Variants in OGA observed in about 807,000 individuals in gnomAD.
OGA encodes O-GlcNAcase.
A neutral mutation model predicts 102.0 loss-of-function variants in OGA; 21 were observed. That is an observed-to-expected ratio of 0.21 (90% CI 0.15 to 0.30). OGA has a LOEUF of 0.30. OGA is among the 10% of genes least tolerant of loss of function. The pLI is 1.00. For synonymous variants in OGA, 408 were observed against 378.2 expected, an observed-to-expected ratio of 1.08 and a Z score of -0.91; for missense variants, 765 against 1,107.8, an observed-to-expected ratio of 0.69 and a Z score of 4.39.
chr10:101,799,549 A>G (rs2065362359), intron 8 of OGA, 94 bp from the exon 9 acceptor site: 8 of 1,324,332 alleles, frequency 6.0e-6, no homozygotes, highest in Middle Eastern at 4.1e-4. Context: ...GCTTTATCAT[A>G]TTTGTTAAGT....
At chr10:101,792,437 G>A (rs570356547) in intron 12 of OGA, among the ~76,000 whole-genome samples, 78 of 152,316 alleles carry the variant, frequency 5.1e-4, no homozygotes, top group African/African-American at 1.8e-3. Context: ...CACCGCGCCT[G>A]GCCCTGTTAC....
chr10:101,810,391 G>C, intron 3 of OGA, 77 bp from the exon 4 acceptor site: 1 of 1,305,134 alleles, frequency 7.7e-7, no homozygotes, highest in East Asian at 2.4e-5. Flanking sequence ...TAACTGAAGA[G>C]GTTATTTCTT....
intron 4 of OGA, 53 bp downstream of exon 4, chr10:101,810,131 C>A: frequency 2.7e-6 from 4 of 1,483,214 alleles, no homozygotes; most frequent in Non-Finnish European, 2.8e-6. Flanking sequence ...ACTGAGTAAA[C>A]TTCTAGTTTC....
chr10:101,791,135 T>C (rs776206078), intron 13 of OGA, 47 bp from the exon 14 acceptor site: 5 of 1,546,876 alleles, frequency 3.2e-6, no homozygotes, highest in South Asian at 1.2e-5. Context: ...GTTGCTAATA[T>C]AAAATTCAGA....
At chr10:101,795,445 A>G (rs1314756801) in intron 10 of OGA, among the ~76,000 whole-genome samples, 2 of 152,234 alleles carry the variant, frequency 1.3e-5, no homozygotes, top group Admixed American at 1.3e-4. Context: ...CTGTCCATCC[A>G]ATAGTAGTAG....
chr10:101,806,005 C>T (rs1338360047), intron 6 of OGA, 40 bp downstream of exon 6: 1 of 1,359,786 alleles, frequency 7.4e-7, no homozygotes, highest in African/African-American at 1.4e-5. Flanking sequence ...GCAAGTCCTA[C>T]TTAATTCAAC....
intron 15 of OGA, among the ~76,000 whole-genome samples, chr10:101,787,104 A>T (rs2065200052): frequency 6.7e-6 from 1 of 149,248 alleles, no homozygotes; most frequent in African/African-American, 2.5e-5. Context: ...CTGGTCTCAA[A>T]CTCCTGGACT....
At chr10:101,787,036 CTT>C (rs77806430) in intron 15 of OGA, among the ~76,000 whole-genome samples, 62 of 139,956 alleles carry the variant, frequency 4.4e-4, no homozygotes, top group Admixed American at 7.2e-4. Flanking sequence ...CGTGCCCGGC[CTT>C]TTTTTTTTTT....
rs777715133 is a variant in OGA at position 101,817,925 on chromosome 10, G to A, written c.98C>T (p.Ala33Val). The change falls in exon 1 of 16, where the codon GCA becomes GTA. Residue 33 changes from alanine (A) to valine (V), a missense_variant. Transcript: ENST00000361464. ...ASAGASLEPP[A>V]APAPGEDNPA... ...GTTGTCTTCTCCGGGTGCCGGAGCT[G>A]CCGGCGGCTCCAGCGATGCCCCCGC... 5.1e-6 allele frequency: 8 copies of A among 1,583,478 alleles called. No individual in the cohort carries two copies. The highest frequency in any genetic ancestry group is 1.7e-5 in the Admixed American group (1 of 57,178).
chr10:101,786,762 C>T (rs1258864179), intron 15 of OGA, among the ~76,000 whole-genome samples, 175 bp from the exon 16 acceptor site: 2 of 152,224 alleles, frequency 1.3e-5, no homozygotes, highest in East Asian at 1.9e-4. Context: ...TAATGAGTGG[C>T]GTGAGCCACT....
At chr10:101,792,631 A>G in intron 12 of OGA, 2 of 474,230 alleles carry the variant, frequency 4.2e-6, no homozygotes, top group Non-Finnish European at 7.5e-6. Context: ...TGACTTTCTC[A>G]AGGGAGAAAT....
At chr10:101,816,487 G>C (rs866255274) in intron 1 of OGA, among the ~76,000 whole-genome samples, 9 of 152,152 alleles carry the variant, frequency 5.9e-5, no homozygotes, top group Admixed American at 2.6e-4. Context: ...GGACTGGCAA[G>C]TTTCCTTAGA....
chr10:101,793,733 CT>C, intron 11 of OGA, 179 bp downstream of exon 11: 1 of 532,744 alleles, frequency 1.9e-6, no homozygotes, highest in Non-Finnish European at 3.4e-6. Context: ...GCAGCATCTC[CT>C]TCAGAAATTA....
intron 7 of OGA, among the ~76,000 whole-genome samples, chr10:101,803,098 G>T (rs1400817836): frequency 1.4e-5 from 2 of 147,438 alleles, no homozygotes; most frequent in East Asian, 4.0e-4. Context: ...CTGAGATTGC[G>T]CCACTGCACT....
chr10:101,813,390 A>T (rs1247309418), intron 2 of OGA, among the ~76,000 whole-genome samples, 165 bp downstream of exon 2: 1 of 152,224 alleles, frequency 6.6e-6, no homozygotes, highest in Non-Finnish European at 1.5e-5. Context: ...AAAGTTTGAA[A>T]ATCAAAGGCC....
At chr10:101,796,018 T>A (rs2065311489) in intron 10 of OGA, 1 of 461,694 alleles carries the variant, frequency 2.2e-6, no homozygotes, top group African/African-American at 2.1e-5. Flanking sequence ...GAATTTAACT[T>A]TTAATAATTC....
chr10:101,794,152 A>T lies in OGA; in HGVS notation c.1985-154T>A, dbSNP rs1045310654. The T allele has an allele frequency of 3.8e-5, 19 of 503,846 alleles. No individual in the cohort carries two copies. In the Admixed American group the frequency reaches 6.3e-4, roughly 17 times the overall value. 31.2% of individuals were successfully genotyped at this position (503,846 alleles called of 1,614,324 possible). A position where few individuals can be genotyped will look rare whatever the true frequency, so the allele number is the denominator to read the frequency against. ...GCTATGATAATAATTATTATTTTTTAAAATGTTAACGGCATTTCAATACTA... is the reference window on the plus strand; with the variant it reads ...GCTATGATAATAATTATTATTTTTTTAAATGTTAACGGCATTTCAATACTA... On this transcript the variant is annotated intron_variant, in intron 10 of 15. Transcript: ENST00000361464.
intron 3 of OGA, among the ~76,000 whole-genome samples, chr10:101,812,241 A>G (rs1185097027): frequency 1.3e-5 from 2 of 152,194 alleles, no homozygotes; most frequent in African/African-American, 4.8e-5. Context: ...CTCAACGTTA[A>G]GTATACCCAT....
intron 6 of OGA, among the ~76,000 whole-genome samples, chr10:101,804,700 C>T (rs910272031): frequency 7.2e-5 from 11 of 152,008 alleles, no homozygotes; most frequent in Non-Finnish European, 1.6e-4. Context: ...AAGCAATCCT[C>T]TCACCTCAGC....
Sources: gnomAD v4.1 joint callset for allele counts (sites outside exome capture counted in the v4.1 genomes callset) on GRCh38, gnomAD v4.1.1 for gene constraint, MANE v1.5 for transcripts, NCBI Gene and HGNC (gene_info 2026-07-23, HGNC 2026-07-21) for gene names.